Variants in TMIGD3 observed in about 807,000 individuals in gnomAD.
TMIGD3 encodes transmembrane and immunoglobulin domain containing 3, also known as AD026 protein (AD026).
TMIGD3 carries 21 observed loss-of-function variants against 28.1 expected under a neutral mutation model. That is an observed-to-expected ratio of 0.75 (90% confidence interval 0.53 to 1.08). The LOEUF (loss-of-function observed/expected upper bound fraction) is 1.08, where lower values mean the gene tolerates loss of function less well. Among genes scored for constraint, TMIGD3 ranks in the 50% least tolerant of loss-of-function variants. The pLI is 0.00. For missense variants in TMIGD3, 416 were observed against 435.6 expected (o/e 0.96, Z 0.40); for synonymous variants, 151 against 162.1 (o/e 0.93, Z 0.52).
chr1:111,535,675 G>A (rs1201665277), intron 1 of TMIGD3, among the ~76,000 whole-genome samples: 2 of 152,202 alleles, frequency 1.3e-5, no homozygotes, highest in Non-Finnish European at 2.9e-5. Context: ...GTGCCAATGA[G>A]GGCCGATAAC....
chr1:111,521,705 T>A (rs1656065486), intron 1 of TMIGD3, among the ~76,000 whole-genome samples: 1 of 152,234 alleles, frequency 6.6e-6, no homozygotes. Flanking sequence ...AAATCTTTTC[T>A]CCTGGTTTGT....
chr1:111,534,566 T>C (rs2798564), intron 1 of TMIGD3, among the ~76,000 whole-genome samples: 146,052 of 152,272 alleles, frequency 0.96, 70,261 homozygotes, highest in Non-Finnish European at 1. Flanking sequence ...TCTCCAAACA[T>C]GGTTTTCTAG....
chr1:111,529,101 T>A (rs1656364740), intron 1 of TMIGD3, among the ~76,000 whole-genome samples: 1 of 151,460 alleles, frequency 6.6e-6, no homozygotes, highest in Non-Finnish European at 1.5e-5. Context: ...TTATTTATTT[T>A]TTATTTTTTT....
chr1:111,496,089 A>G (rs1031518164), intron 1 of TMIGD3, among the ~76,000 whole-genome samples: 1 of 152,228 alleles, frequency 6.6e-6, no homozygotes, highest in South Asian at 2.1e-4. Context: ...GAAATAATCT[A>G]TACAACAAAC....
intron 1 of TMIGD3, among the ~76,000 whole-genome samples, chr1:111,540,286 T>C (rs531023589): frequency 6.6e-6 from 1 of 152,344 alleles, no homozygotes; most frequent in African/African-American, 2.4e-5. Flanking sequence ...AAAGGGTTGG[T>C]GCAGGAGCAC....
chr1:111,541,603 G>A (rs1656825767), intron 1 of TMIGD3, among the ~76,000 whole-genome samples: 1 of 151,896 alleles, frequency 6.6e-6, no homozygotes, highest in South Asian at 2.1e-4. Flanking sequence ...ATGTCCATTT[G>A]GAAATCACTC....
chr1:111,501,297 C>T (rs150046987), intron 1 of TMIGD3: 3 of 152,322 alleles, frequency 2.0e-5, no homozygotes, highest in African/African-American at 7.2e-5. Flanking sequence ...GTTTCAGAGA[C>T]CTTAAAGGAC....
chr1:111,492,743 G>A (rs1457251119), intron 1 of TMIGD3, among the ~76,000 whole-genome samples: 1 of 151,198 alleles, frequency 6.6e-6, no homozygotes, highest in African/African-American at 2.4e-5. Context: ...GAACCCGGGA[G>A]GCGGAGGTTG....
intron 1 of TMIGD3, among the ~76,000 whole-genome samples, chr1:111,499,181 C>T (rs1655033855): frequency 6.6e-6 from 1 of 152,080 alleles, no homozygotes; most frequent in Admixed American, 6.5e-5. Context: ...GCCCTACCCC[C>T]ACTACTCCTA....
Position 111,524,906 on chromosome 1 carries a change from C to T in TMIGD3, c.108-34144G>A, listed in dbSNP as rs535089691. Among the ~76,000 whole-genome samples the T allele has an allele frequency of 2.6e-5, 4 of 152,294 alleles. No individual in the cohort carries two copies. The East Asian group carries it at 7.7e-4, about 29-fold the overall frequency. ...AAGTGCTGGGATTACAGGCATGAGC[C>T]ACCCCTCTTGGCCTCTAATTTACCT... is the stretch of plus-strand genomic sequence containing the variant. On this transcript the variant is annotated intron_variant, in intron 1 of 5. Transcript: ENST00000369717.
intron 1 of TMIGD3, among the ~76,000 whole-genome samples, chr1:111,548,008 TTTTG>T (rs1244200844): frequency 3.9e-5 from 6 of 152,214 alleles, no homozygotes; most frequent in Non-Finnish European, 8.8e-5. Flanking sequence ...GGACCACTTT[TTTTG>T]TTTGTTTGTT....
chr1:111,549,440 G>C (rs1657170040), intron 1 of TMIGD3, among the ~76,000 whole-genome samples: 1 of 151,570 alleles, frequency 6.6e-6, no homozygotes, highest in Non-Finnish European at 1.5e-5. Flanking sequence ...CCTGAGGTCA[G>C]GAGTTCAAGA....
intron 1 of TMIGD3, chr1:111,500,501 G>A (rs892388188): frequency 6.2e-7 from 1 of 1,614,222 alleles, no homozygotes; most frequent in South Asian, 1.1e-5. Flanking sequence ...AATGACACCA[G>A]CCAGCAAAGG....
upstream of TMIGD3, among the ~76,000 whole-genome samples, chr1:111,506,920 TATATATACACACACACAC>T (rs1203486272): frequency 8.3e-6 from 1 of 121,024 alleles, no homozygotes; most frequent in Non-Finnish European, 1.6e-5. Flanking sequence ...ATATTATATA[TATATATACACACACACAC>T]ATATATATAC....
chr1:111,502,049 A>ATATAATAAATATATAGGATATATGTAT (rs1557823824), intron 1 of TMIGD3, among the ~76,000 whole-genome samples: 4 of 92,122 alleles, frequency 4.3e-5, no homozygotes, highest in African/African-American at 1.4e-4. Flanking sequence ...TATATATTTA[A>ATATAATAAATATATAGGATATATGTAT]TATAATAAAT....
At chr1:111,553,722 C>T (rs1657369110) in intron 1 of TMIGD3, among the ~76,000 whole-genome samples, 1 of 152,144 alleles carries the variant, frequency 6.6e-6, no homozygotes. Flanking sequence ...TCCTTTCTAC[C>T]TCTGACATTA....
intron 1 of TMIGD3, among the ~76,000 whole-genome samples, chr1:111,549,637 G>A (rs1429591878): frequency 2.0e-5 from 3 of 146,368 alleles, no homozygotes; most frequent in African/African-American, 7.7e-5. Context: ...GCAACAGAGT[G>A]AGACTCTGTT....
At chr1:111,533,121 G>A (rs1656509925) in intron 1 of TMIGD3, among the ~76,000 whole-genome samples, 1 of 152,284 alleles carries the variant, frequency 6.6e-6, no homozygotes, top group South Asian at 2.1e-4. Flanking sequence ...CCCTCTGACT[G>A]TCCCCCAAAA....
At chr1:111,511,418 C>A (rs534303557) in intron 1 of TMIGD3, among the ~76,000 whole-genome samples, 1 of 152,242 alleles carries the variant, frequency 6.6e-6, no homozygotes, top group Admixed American at 6.5e-5. Flanking sequence ...GCTGGCTATA[C>A]CACTCTATGT....
Sources: allele counts gnomAD v4.1 joint callset (sites outside exome capture counted in the v4.1 genomes callset), GRCh38; gene constraint gnomAD v4.1.1; transcripts MANE v1.5; gene names NCBI Gene and HGNC (gene_info 2026-07-23, HGNC 2026-07-21).